EEPD1: variants seen among roughly 807,000 people sequenced by gnomAD.
EEPD1 encodes the protein endonuclease/exonuclease/phosphatase family domain containing 1.
Under a neutral mutation model 46.3 loss-of-function variants are expected in EEPD1, and 17 were observed. The ratio of observed to expected loss-of-function variants is 0.37; its 90% CI spans 0.25 to 0.55. The LOEUF (loss-of-function observed/expected upper bound fraction) is 0.55, where lower values mean the gene tolerates loss of function less well. EEPD1 is among the 20% of genes least tolerant of loss of function. The pLI is 0.83. For missense variants in EEPD1, 673 were observed against 745.6 expected (o/e 0.90, Z 1.13); for synonymous variants, 313 against 315.6 (o/e 0.99, Z 0.09).
intron 6 of EEPD1, among the ~76,000 whole-genome samples, chr7:36,293,077 T>C (rs554117566): frequency 1.3e-5 from 2 of 152,210 alleles, no homozygotes; most frequent in African/African-American, 4.8e-5. Flanking sequence ...ATATATATCA[T>C]TAGTAACCTG....
intron 6 of EEPD1, among the ~76,000 whole-genome samples, chr7:36,291,592 T>C (rs1015588036): frequency 5.9e-5 from 9 of 152,180 alleles, no homozygotes; most frequent in Non-Finnish European, 1.2e-4. Context: ...GAGGCTTCCT[T>C]CCATCCCACC....
At chr7:36,292,863 C>T (rs1787470124) in intron 6 of EEPD1, among the ~76,000 whole-genome samples, 1 of 152,118 alleles carries the variant, frequency 6.6e-6, no homozygotes, top group Non-Finnish European at 1.5e-5. Context: ...TTTTCAGCCC[C>T]TCTGTGACCA....
intron 2 of EEPD1, among the ~76,000 whole-genome samples, chr7:36,210,279 A>G (rs930144124): frequency 1.3e-5 from 2 of 152,232 alleles, no homozygotes; most frequent in African/African-American, 2.4e-5. Context: ...GGAAAAATAA[A>G]CCAGATTCCT....
intron 2 of EEPD1, among the ~76,000 whole-genome samples, chr7:36,227,823 GA>G (rs1786254459): frequency 1.3e-5 from 2 of 152,186 alleles, no homozygotes; most frequent in African/African-American, 4.8e-5. Flanking sequence ...AAGTAGCTGC[GA>G]TTACAGGCAC....
intron 3 of EEPD1, among the ~76,000 whole-genome samples, chr7:36,250,226 G>C (rs1426691832): frequency 4.0e-5 from 6 of 151,098 alleles, no homozygotes; most frequent in Non-Finnish European, 7.4e-5. Context: ...TGCCTCAAAA[G>C]AAAAAAAAAT....
chr7:36,257,070 C>T (rs903655853), intron 3 of EEPD1, among the ~76,000 whole-genome samples: 5 of 152,130 alleles, frequency 3.3e-5, no homozygotes, highest in Admixed American at 6.5e-5. Flanking sequence ...ATTTCTCCTT[C>T]GCTTATGAAG....
chr7:36,239,846 T>C (rs1786526758), intron 3 of EEPD1, among the ~76,000 whole-genome samples: 1 of 152,230 alleles, frequency 6.6e-6, no homozygotes, highest in South Asian at 2.1e-4. Context: ...TTCAGGACTC[T>C]TCCTGCATGT....
intron 3 of EEPD1, among the ~76,000 whole-genome samples, chr7:36,253,441 T>A (rs1050876164): frequency 6.6e-6 from 1 of 152,228 alleles, no homozygotes; most frequent in Non-Finnish European, 1.5e-5. Flanking sequence ...GAGTCTTCTG[T>A]GACTATCTGG....
chr7:36,250,124 A>G (rs1178230975), intron 3 of EEPD1, among the ~76,000 whole-genome samples: 3 of 152,168 alleles, frequency 2.0e-5, no homozygotes, highest in Admixed American at 6.5e-5. Context: ...CAGGAGGCTG[A>G]GGTGGGAGGA....
At chr7:36,176,227 AGAG>A (rs1182519057) in intron 2 of EEPD1, among the ~76,000 whole-genome samples, 1 of 152,218 alleles carries the variant, frequency 6.6e-6, no homozygotes, top group Non-Finnish European at 1.5e-5. Context: ...AGATTCCTGA[AGAG>A]GATAAAGCCA....
chr7:36,185,426 G>GT (rs1322463209), intron 2 of EEPD1, among the ~76,000 whole-genome samples: 3 of 152,172 alleles, frequency 2.0e-5, no homozygotes, highest in Non-Finnish European at 4.4e-5. Flanking sequence ...ATTTTGTCCA[G>GT]TTTTTTGTTA....
At chr7:36,281,067 T>C in intron 3 of EEPD1, 48 bp from the exon 4 acceptor site, 1 of 1,562,866 alleles carries the variant, frequency 6.4e-7, no homozygotes, top group Non-Finnish European at 8.8e-7. Context: ...CAGCCGGGAC[T>C]GCTTTAGGCG....
intron 3 of EEPD1, among the ~76,000 whole-genome samples, chr7:36,246,417 G>A (rs1183158422): frequency 1.3e-5 from 2 of 152,212 alleles, no homozygotes; most frequent in Non-Finnish European, 2.9e-5. Flanking sequence ...ATATTGTTAT[G>A]AGAACTAAGT....
chr7:36,194,969 A>G (rs191397433), intron 2 of EEPD1, among the ~76,000 whole-genome samples: 4 of 152,312 alleles, frequency 2.6e-5, no homozygotes, highest in Non-Finnish European at 5.9e-5. Context: ...CAACTGCGAA[A>G]TCCTTCCTAA....
Position 36,270,416 on chromosome 7 carries a change from A to G in EEPD1, c.931-10699A>G, listed in dbSNP as rs1787084693. On this transcript the variant is annotated intron_variant, in intron 3 of 7. Coordinates refer to ENST00000242108, the MANE Select transcript of EEPD1 (RefSeq NM_030636.3). ...GGTGGTTTGCTGAACCCATCAATCC[A>G]TCATCTACATTAGGTATATCTCCTA... Among the ~76,000 whole-genome samples the G allele has an allele frequency of 2.6e-5, 4 of 152,228 alleles. No homozygotes were observed. The South Asian group carries it at 8.3e-4, about 32-fold the overall frequency.
At chr7:36,248,743 C>G (rs1242291586) in intron 3 of EEPD1, among the ~76,000 whole-genome samples, 1 of 152,102 alleles carries the variant, frequency 6.6e-6, no homozygotes, top group Non-Finnish European at 1.5e-5. Flanking sequence ...TCATTGTAAT[C>G]ACTTTCCTGG....
intron 7 of EEPD1, 51 bp downstream of exon 7, chr7:36,297,238 A>C (rs1224040353): frequency 6.3e-7 from 1 of 1,591,422 alleles, no homozygotes; most frequent in African/African-American, 1.3e-5. Flanking sequence ...GGAGTGAGAG[A>C]AACATGTCTG....
Position 36,261,762 on chromosome 7 carries a change from C to T in EEPD1, c.931-19353C>T, listed in dbSNP as rs561234140. Among the ~76,000 whole-genome samples, 20 of 152,204 alleles carry T rather than the reference C, an allele frequency of 1.3e-4. No homozygotes were observed. The East Asian group carries it at 3.9e-3, about 29-fold the overall frequency. ...CTACATTGCTAAACACATTTATGCT[C>T]GATATTCTCAGCAGATAAAATTATC... On this transcript the variant is annotated intron_variant, in intron 3 of 7. Transcript: ENST00000242108.
At chr7:36,196,855 G>A (rs1329491775) in intron 2 of EEPD1, among the ~76,000 whole-genome samples, 13 of 151,702 alleles carry the variant, frequency 8.6e-5, no homozygotes, top group South Asian at 2.1e-4. Context: ...AGTGAGGAGC[G>A]TCTCTGCCTG....
Sources: allele counts gnomAD v4.1 joint callset (sites outside exome capture counted in the v4.1 genomes callset), GRCh38; gene constraint gnomAD v4.1.1; transcripts MANE v1.5; gene names NCBI Gene and HGNC (gene_info 2026-07-23, HGNC 2026-07-21).